WDR53: variants seen among roughly 807,000 people sequenced by gnomAD.
The protein encoded by WDR53 is WD repeat-containing protein 53.
A neutral mutation model predicts 21.3 loss-of-function variants in WDR53; 19 were observed. The ratio of observed to expected loss-of-function variants is 0.89; its 90% confidence interval spans 0.62 to 1.31. The LOEUF (loss-of-function observed/expected upper bound fraction) is 1.31, where lower values mean the gene tolerates loss of function less well. Among genes scored for constraint, WDR53 ranks in the 50% most tolerant of loss-of-function variants. WDR53 has a pLI of 0.00. For missense variants in WDR53, 374 were observed against 423.2 expected (o/e 0.88, Z 1.02); for synonymous variants, 157 against 163.4 (o/e 0.96, Z 0.30).
intron 3 of WDR53, among the ~76,000 whole-genome samples, chr3:196,559,274 A>T (rs904706129): frequency 6.6e-6 from 1 of 152,204 alleles, no homozygotes; most frequent in African/African-American, 2.4e-5. Flanking sequence ...AGAATGTAGG[A>T]GATTTATAAA....
At chr3:196,555,837 G>T (rs1470562102) in intron 3 of WDR53, among the ~76,000 whole-genome samples, 1 of 152,002 alleles carries the variant, frequency 6.6e-6, no homozygotes, top group East Asian at 1.9e-4. Flanking sequence ...ATTCTCAGTG[G>T]CCTATTTTCA....
At chr3:196,565,893 C>T (rs926065492) in intron 2 of WDR53, among the ~76,000 whole-genome samples, 18 of 152,334 alleles carry the variant, frequency 1.2e-4, no homozygotes, top group African/African-American at 4.1e-4. Context: ...GAAAGCCTGG[C>T]AGAAAGAGGT....
intron 3 of WDR53, among the ~76,000 whole-genome samples, chr3:196,557,441 G>C (rs1734428823): frequency 6.6e-6 from 1 of 152,286 alleles, no homozygotes; most frequent in East Asian, 1.9e-4. Flanking sequence ...AGCTATGCAG[G>C]AGGATGAGGT....
At chr3:196,556,300 C>T (rs980029084) in intron 3 of WDR53, among the ~76,000 whole-genome samples, 1 of 152,036 alleles carries the variant, frequency 6.6e-6, no homozygotes, top group African/African-American at 2.4e-5. Context: ...CACTCATCTC[C>T]ACCTCCCAAA....
chr3:196,554,349 G>A lies in WDR53; in HGVS notation c.939C>T (p.Gly313=). The A allele has an allele frequency of 6.2e-7, 1 of 1,614,062 alleles. No homozygotes were observed. The highest frequency in any genetic ancestry group is 8.5e-7 in the Non-Finnish European group (1 of 1,180,004). ...NASVTDEEEH[G]NILPKLNIEH... is the part of the protein sequence containing the mutation. ...CAATATTTAGCTTTGGTAAAATGTT[G>A]CCATGTTCTTCCTCATCTGTTACTG... The change falls in exon 4 of 4, where the codon GGC becomes GGT. Residue 313 remains glycine, a synonymous_variant. Coordinates refer to ENST00000332629, the MANE Select transcript of WDR53 (RefSeq NM_182627.3).
In WDR53 at chr3:196,566,820, T is replaced by C. The variant is rs1054878070; in HGVS notation, c.-17+57A>G. The C allele has an allele frequency of 4.0e-5, 7 of 172,994 alleles. 1 individual carries two copies. In the Admixed American group the frequency reaches 4.3e-4, roughly 11 times the overall value. The allele number at this position is 172,994 out of a possible 1,614,324, so 10.7% of individuals were successfully genotyped here. ...GGAAGGGGCTTGGTGGGGTGGGTGA[T>C]GAGCAGGTGAAAGATTTGTAAAAAA... On this transcript the variant is annotated intron_variant, in intron 2 of 3. Coordinates refer to ENST00000332629, the MANE Select transcript of WDR53 (RefSeq NM_182627.3).
chr3:196,560,019 G>C (rs1734674275), intron 3 of WDR53, among the ~76,000 whole-genome samples: 1 of 152,184 alleles, frequency 6.6e-6, no homozygotes. Context: ...TCAAGAGGAA[G>C]CACATCCTGC....
chr3:196,568,334 GAA>G (rs952811263), intron 1 of WDR53, 183 bp downstream of exon 1: 5 of 152,578 alleles, frequency 3.3e-5, no homozygotes, highest in Admixed American at 3.3e-4. Context: ...AGCAAGGAGA[GAA>G]AAGTTTCATG....
intron 3 of WDR53, 22 bp downstream of exon 3, chr3:196,560,974 G>C (rs1197751555): frequency 6.3e-7 from 1 of 1,583,804 alleles, no homozygotes; most frequent in African/African-American, 1.4e-5. Flanking sequence ...AATTCCCCAA[G>C]TACTCTGTGC....
rs2108714714 is a variant in WDR53, at chr3:196,566,934, G to A, written c.-74C>T. The A allele has an allele frequency of 9.2e-6, 2 of 218,066 alleles. No homozygotes were observed. Among genetic ancestry groups the A allele is most frequent in the South Asian group, 1.1e-4 (2 of 18,814 alleles). The allele number at this position is 218,066 out of a possible 1,614,324, so 13.5% of individuals were successfully genotyped here. ...GTCTGCCGTTGAAAGTCACCTCAGC[G>A]GCTGGACTAGATTAGTAAGAATGAC... On this transcript the variant is annotated 5_prime_UTR_variant, in exon 2 of 4. Transcript: ENST00000332629.
At chr3:196,561,555 G>A in intron 2 of WDR53, 64 bp from the exon 3 acceptor site, 2 of 1,430,274 alleles carry the variant, frequency 1.4e-6, no homozygotes, top group Non-Finnish European at 1.9e-6. Context: ...GGAGGAGACA[G>A]ATGTAATAAA....
rs1734818402 is a variant in WDR53 at position 196,561,215 on chromosome 3, C to A, written c.261G>T (p.Leu87Phe). ...CTTCTTCATTCACATGAAAATGGTC[C>A]AAGGAATCTTTGAGGGACCTGACAT... ...VLDVRSLKDS[L>F]DHFHVNEEEI... Residue 87 changes from leucine to phenylalanine, a missense_variant, in exon 3 of 4, where the codon TTG (leucine) becomes TTT (phenylalanine). Coordinates refer to ENST00000332629, the MANE Select transcript of WDR53 (RefSeq NM_182627.3). 1 of 1,614,178 alleles carries A rather than the reference C, an allele frequency of 6.2e-7. No individual in the cohort carries two copies. The highest frequency in any genetic ancestry group is 1.3e-5 in the African/African-American group (1 of 75,024).
Position 196,554,596 on chromosome 3 carries a change from C to A in WDR53, c.692G>T (p.Cys231Phe), listed in dbSNP as rs746507571. Residue 231 changes from cysteine to phenylalanine, a missense_variant, in exon 4 of 4, where the codon TGT becomes TTT. By Grantham distance (205) the Cys-to-Phe change is radical (BLOSUM62 -2). Transcript: ENST00000332629. ...VRIFRVMGVK[C>F]EQELGFKGHT... Reference sequence around the variant, plus strand: ...GCCCTTAAATCCCAGTTCCTGTTCACACTTAACTCCCATCACCCGAAAGAT... The same window carrying A: ...GCCCTTAAATCCCAGTTCCTGTTCAAACTTAACTCCCATCACCCGAAAGAT... 6.2e-7 allele frequency: 1 copy of A among 1,614,112 alleles called. No homozygotes were observed.
At chr3:196,558,525 G>T (rs2108686922) in intron 3 of WDR53, among the ~76,000 whole-genome samples, 1 of 152,296 alleles carries the variant, frequency 6.6e-6, no homozygotes, top group African/African-American at 2.4e-5. Context: ...ACCTGGCCCT[G>T]CCTAATTATT....
At chr3:196,561,635 G>T in intron 2 of WDR53, 144 bp from the exon 3 acceptor site, 1 of 740,996 alleles carries the variant, frequency 1.3e-6, no homozygotes, top group Non-Finnish European at 2.0e-6. Context: ...AAAAAAAAAA[G>T]ACACTTAAAG....
intron 1 of WDR53, among the ~76,000 whole-genome samples, chr3:196,567,615 A>G (rs1735536503): frequency 6.6e-6 from 1 of 152,224 alleles, no homozygotes; most frequent in African/African-American, 2.4e-5. Flanking sequence ...TAAATGACGT[A>G]GTATACAGTG....
chr3:196,567,751 TTGTGTGTGTGTGTGTGTGTGTGTG>T (rs3080583), intron 1 of WDR53, among the ~76,000 whole-genome samples: 2 of 143,570 alleles, frequency 1.4e-5, no homozygotes, highest in African/African-American at 5.3e-5. Context: ...GCTGAAATTC[TTGTGTGTGTGTGTGTGTGTGTGTG>T]TGTGTGTGTG....
In WDR53 at chr3:196,554,630, T is replaced by A; in HGVS notation, c.658A>T (p.Lys220Ter). The A allele has an allele frequency of 6.2e-7, 1 of 1,614,112 alleles. No homozygotes were observed. Among genetic ancestry groups the A allele is most frequent in the Non-Finnish European group, 8.5e-7 (1 of 1,180,024 alleles). The change falls in exon 4 of 4, where the codon AAG (lysine) becomes TAG (stop). Residue 220 changes from lysine to a stop codon, truncating the protein, a stop_gained. Transcript: ENST00000332629. LOFTEE classifies it high-confidence loss of function. Reference sequence around the variant, plus strand: ...CCCATCACCCGAAAGATTCGAACCTTACCATCTTCTGCACCACAACTAAAA... The same window carrying A: ...CCCATCACCCGAAAGATTCGAACCTAACCATCTTCTGCACCACAACTAAAA... ...NIFSCGAEDGKVRIFRVMGVK... is the reference protein window; with the variant it reads ...NIFSCGAEDG
chr3:196,566,770 C>G (rs530216362), intron 2 of WDR53, 107 bp downstream of exon 2: 2 of 154,200 alleles, frequency 1.3e-5, no homozygotes, highest in Non-Finnish European at 2.9e-5. Flanking sequence ...TCAGCCAGAG[C>G]GCAGAATGAG....
Sources: gnomAD v4.1 joint callset for allele counts (sites outside exome capture counted in the v4.1 genomes callset) on GRCh38, gnomAD v4.1.1 for gene constraint, MANE v1.5 for transcripts, NCBI Gene and HGNC (gene_info 2026-07-23, HGNC 2026-07-21) for gene names.